The following PIK3R6 variants were observed in gnomAD, a reference collection of about 807,000 sequenced individuals.
The protein encoded by PIK3R6 is phosphoinositide 3-kinase regulatory subunit 6.
Under a neutral mutation model 84.9 loss-of-function variants are expected in PIK3R6, and 91 were observed. The observed-to-expected ratio is 1.07, with a 90% CI of 0.90 to 1.28. The LOEUF is 1.28. PIK3R6 is among the 50% of genes most tolerant of loss of function. The pLI is 0.00. For synonymous variants in PIK3R6, 416 were observed against 411.4 expected (o/e 1.01, Z -0.13); for missense variants, 996 against 985.1 (o/e 1.01, Z -0.15).
chr17:8,841,383 G>T (rs115257038), intron 2 of PIK3R6, among the ~76,000 whole-genome samples: 95 of 152,228 alleles, frequency 6.2e-4, no homozygotes, highest in African/African-American at 2.2e-3. Context: ...GTTTAGGTTG[G>T]AGTCCTCCAC....
At position 8,834,821 on chromosome 17, in the gene PIK3R6, C is replaced by A. The variant is rs542931588; in HGVS notation, c.645+452G>T. Among the ~76,000 whole-genome samples, 96 of 151,228 alleles carry A rather than the reference C, an allele frequency of 6.3e-4. 1 individual carries two copies. The highest frequency in any genetic ancestry group is 1.4e-3 in the Admixed American group (22 of 15,184). On this transcript the variant is annotated intron_variant, in intron 8 of 19. Coordinates refer to ENST00000619866, the MANE Select transcript of PIK3R6 (RefSeq NM_001010855.4). ...TTCACCCTGCTGCTAGGAATACTGG[C>A]ATTATCTTATATCTTATTATTGGTT...
intron 18 of PIK3R6, among the ~76,000 whole-genome samples, chr17:8,817,786 G>T (rs895780581): frequency 4.6e-5 from 7 of 152,214 alleles, no homozygotes; most frequent in Non-Finnish European, 1.0e-4. Flanking sequence ...GTCGTGGGTA[G>T]AAGAGTTATT....
At chr17:8,810,816 T>A (rs195768) in intron 18 of PIK3R6, among the ~76,000 whole-genome samples, 50,269 of 147,984 alleles carry the variant, frequency 0.34, 11,294 homozygotes, top group African/African-American at 0.47. Context: ...TTTGCAGGGT[T>A]CTGCCTCCCT....
In PIK3R6 at chr17:8,839,698, C is replaced by G; in HGVS notation, c.14-1G>C. On this transcript the variant is annotated splice_acceptor_variant, in intron 2 of 19. Coordinates refer to ENST00000619866, the MANE Select transcript of PIK3R6 (RefSeq NM_001010855.4). LOFTEE classifies it high-confidence loss of function. This position sits in a 1 kb window ranked among gnomAD's most constrained non-coding sequence, Gnocchi z 4.2. ...CTCCTCTGGAGGTCCAGCTCCACAT[C>G]TGGGCAGTGGTAGGGGTGGGAGGAA... The G allele has an allele frequency of 1.3e-6, 2 of 1,568,742 alleles. No individual in the cohort carries two copies. The highest frequency in any genetic ancestry group is 1.7e-6 in the Non-Finnish European group (2 of 1,156,236).
chr17:8,812,757 T>G (rs942646974), intron 18 of PIK3R6, among the ~76,000 whole-genome samples: 1 of 152,176 alleles, frequency 6.6e-6, no homozygotes, highest in African/African-American at 2.4e-5. Context: ...TCAAAAGCAG[T>G]GCTAAGAGGG....
intron 15 of PIK3R6, among the ~76,000 whole-genome samples, 158 bp downstream of exon 15, chr17:8,822,838 T>C (rs1490508548): frequency 6.6e-6 from 1 of 152,014 alleles, no homozygotes; most frequent in Non-Finnish European, 1.5e-5. Flanking sequence ...TTGGAGGGGA[T>C]CAAGAGCAGC....
chr17:8,812,314 T>C (rs2087382574), intron 18 of PIK3R6, among the ~76,000 whole-genome samples: 1 of 152,184 alleles, frequency 6.6e-6, no homozygotes, highest in Non-Finnish European at 1.5e-5. Context: ...GAGGGAGACT[T>C]TAGTACTCCA....
intron 1 of PIK3R6, among the ~76,000 whole-genome samples, chr17:8,861,995 A>G (rs569450446): frequency 1.8e-4 from 28 of 152,224 alleles, no homozygotes; most frequent in Non-Finnish European, 3.7e-4. Context: ...CTGAAACTGC[A>G]AAGTTATGGC....
intron 4 of PIK3R6, chr17:8,838,339 C>CGTT: frequency 2.0e-6 from 1 of 508,904 alleles, no homozygotes; most frequent in Non-Finnish European, 3.5e-6. Context: ...TTTGTGGTCG[C>CGTT]GTTATAGTGC....
At position 8,839,464 on chromosome 17, in the gene PIK3R6, T is replaced by A; in HGVS notation, c.97+150A>T. 1 of 570,598 alleles carries A rather than the reference T, an allele frequency of 1.8e-6. No individual in the cohort carries two copies. The highest frequency in any genetic ancestry group is 3.1e-6 in the Non-Finnish European group (1 of 322,770). The allele number at this position is 570,598 out of a possible 1,614,324, so 35.3% of individuals were successfully genotyped here. A position where few individuals can be genotyped will look rare whatever the true frequency, so the allele number is the denominator to read the frequency against. On this transcript the variant is annotated intron_variant, in intron 3 of 19. Transcript: ENST00000619866. This position sits in a 1 kb window ranked among gnomAD's most constrained non-coding sequence, Gnocchi z 4.2. ...GAGAAGCCTTCTCAGTCCTTCAGGCTCTAGGTATTTCCAGCAGGAAAGGGG... is the reference window on the plus strand; with the variant it reads ...GAGAAGCCTTCTCAGTCCTTCAGGCACTAGGTATTTCCAGCAGGAAAGGGG...
At chr17:8,864,546 T>C (rs2089360074) in intron 1 of PIK3R6, among the ~76,000 whole-genome samples, 1 of 139,544 alleles carries the variant, frequency 7.2e-6, no homozygotes, top group Non-Finnish European at 1.6e-5. Flanking sequence ...TTTTTTTTTT[T>C]TTTTTTTTTT....
At chr17:8,843,243 A>G (rs1010756475) in intron 2 of PIK3R6, among the ~76,000 whole-genome samples, 2 of 152,068 alleles carry the variant, frequency 1.3e-5, no homozygotes, top group Non-Finnish European at 2.9e-5. Flanking sequence ...GTTATTAGAA[A>G]ATTAGCTGGT....
chr17:8,803,677 G>GAA lies in PIK3R6; in HGVS notation c.2109-249_2109-248insTT. On this transcript the variant is annotated intron_variant, in intron 19 of 19. Coordinates refer to ENST00000619866, the MANE Select transcript of PIK3R6 (RefSeq NM_001010855.4). This position sits in a 1 kb window ranked among gnomAD's most constrained non-coding sequence, Gnocchi z 5.0. ...CCTCCCTTACCCAAACACACCTCCC[G>GAA]AGGGGAAGCCAGTAAGGGTCAGCTA... 1.8e-6 allele frequency: 1 copy of GAA among 549,432 alleles called. No individual in the cohort carries two copies. Among genetic ancestry groups the GAA allele is most frequent in the East Asian group, 3.1e-5 (1 of 32,334 alleles). The allele number at this position is 549,432 out of a possible 1,614,324, so 34.0% of individuals were successfully genotyped here.
intron 2 of PIK3R6, among the ~76,000 whole-genome samples, chr17:8,841,022 G>A (rs529403823): frequency 9.9e-5 from 15 of 152,062 alleles, no homozygotes; most frequent in Non-Finnish European, 1.9e-4. Context: ...AAAGTGCTGG[G>A]ATGACAGGCA....
At chr17:8,812,775 T>C (rs1440485151) in intron 18 of PIK3R6, among the ~76,000 whole-genome samples, 2 of 152,174 alleles carry the variant, frequency 1.3e-5, no homozygotes, top group African/African-American at 4.8e-5. Flanking sequence ...GGGAAGTTTA[T>C]AGTGTTAAAT....
chr17:8,863,293 C>A (rs754570538), intron 1 of PIK3R6, among the ~76,000 whole-genome samples: 1 of 151,892 alleles, frequency 6.6e-6, no homozygotes, highest in African/African-American at 2.4e-5. Context: ...TTATGATAGA[C>A]GTATATAATG....
chr17:8,840,753 G>GTC (rs1182501557), intron 2 of PIK3R6, among the ~76,000 whole-genome samples: 1 of 148,590 alleles, frequency 6.7e-6, no homozygotes, highest in African/African-American at 2.5e-5. Context: ...TATTATTTTT[G>GTC]TGTGTGTGTG....
At chr17:8,847,303 A>T (rs2088835849) in intron 2 of PIK3R6, among the ~76,000 whole-genome samples, 1 of 152,140 alleles carries the variant, frequency 6.6e-6, no homozygotes, top group African/African-American at 2.4e-5. Context: ...CCTTACCCCT[A>T]TGCAGTATAA....
At chr17:8,811,687 C>T (rs1353498900) in intron 18 of PIK3R6, among the ~76,000 whole-genome samples, 2 of 148,152 alleles carry the variant, frequency 1.3e-5, no homozygotes, top group Non-Finnish European at 2.9e-5. Flanking sequence ...CACCTTTGCT[C>T]CAGTTCCCAA....
Sources: allele counts gnomAD v4.1 joint callset (sites outside exome capture counted in the v4.1 genomes callset), GRCh38; gene constraint gnomAD v4.1.1; non-coding constraint Gnocchi (gnomAD v3.1); transcripts MANE v1.5; gene names NCBI Gene and HGNC (gene_info 2026-07-23, HGNC 2026-07-21).